The following STK39 variants were observed in gnomAD, a reference collection of about 807,000 sequenced individuals.
STK39 encodes the protein serine/threonine kinase 39.
STK39 carries 20 observed loss-of-function variants against 77.8 expected under a neutral mutation model. That is an observed-to-expected ratio of 0.26 (90% CI 0.18 to 0.37). STK39 has a LOEUF of 0.37. Among genes scored for constraint, STK39 ranks in the 10% least tolerant of loss-of-function variants. The probability of loss-of-function intolerance (pLI) is 1.00; values close to 1 mark genes in which losing one functional copy is unlikely to be tolerated. For synonymous variants in STK39, 246 were observed against 234.1 expected (o/e 1.05, Z -0.47); for missense variants, 479 against 656.5 (o/e 0.73, Z 2.95).
rs200109648 is a variant in STK39 at position 167,980,758 on chromosome 2, T to G, written c.1499-16032A>C. ...TACCTTCATTTCTTGTTGTTGTTTTTTTTTTTTTTTAAATGTGTAGTAATT... is the reference window on the plus strand; with the variant it reads ...TACCTTCATTTCTTGTTGTTGTTTTGTTTTTTTTTTAAATGTGTAGTAATT... On this transcript the variant is annotated intron_variant, in intron 16 of 17. Coordinates refer to ENST00000355999, the MANE Select transcript of STK39 (RefSeq NM_013233.3). 4.6e-3 allele frequency among the ~76,000 whole-genome samples: 703 copies of G among 151,910 alleles called. 19 individuals are homozygous for G. Among genetic ancestry groups the G allele is most frequent in the Admixed American group, 0.036 (551 of 15,276 alleles).
intron 7 of STK39, among the ~76,000 whole-genome samples, chr2:168,139,788 G>A (rs1231694755): frequency 2.6e-5 from 4 of 152,132 alleles, no homozygotes; most frequent in South Asian, 4.1e-4. Context: ...GAGCAGAAAC[G>A]TGAAAATAGC....
intron 10 of STK39, among the ~76,000 whole-genome samples, chr2:168,093,474 C>T (rs976250649): frequency 1.5e-4 from 23 of 152,262 alleles, no homozygotes; most frequent in Admixed American, 6.5e-4. Context: ...TTCACTGTCA[C>T]AAGAACAGCA....
intron 10 of STK39, among the ~76,000 whole-genome samples, chr2:168,080,853 G>A (rs1014690704): frequency 2.6e-5 from 4 of 152,346 alleles, no homozygotes; most frequent in East Asian, 1.9e-4. Flanking sequence ...ACTCAAAGGA[G>A]CCAAGGTACA....
intron 1 of STK39, among the ~76,000 whole-genome samples, chr2:168,206,302 C>G (rs1035393953): frequency 7.1e-6 from 1 of 141,732 alleles, no homozygotes; most frequent in African/African-American, 2.6e-5. Context: ...TCTTTTCTTT[C>G]TTTTTTTTTT....
At chr2:168,173,911 T>C (rs1688891043) in intron 2 of STK39, among the ~76,000 whole-genome samples, 1 of 152,200 alleles carries the variant, frequency 6.6e-6, no homozygotes, top group Admixed American at 6.5e-5. Flanking sequence ...GCCTCCTTTA[T>C]AAGAAAAGTA....
chr2:167,999,674 G>C (rs1490181929), intron 16 of STK39, among the ~76,000 whole-genome samples: 2 of 152,120 alleles, frequency 1.3e-5, no homozygotes, highest in Non-Finnish European at 2.9e-5. Flanking sequence ...ATGTTAGCCA[G>C]GATGGTCTCG....
At chr2:167,999,651 A>G (rs1014579451) in intron 16 of STK39, among the ~76,000 whole-genome samples, 3 of 151,982 alleles carry the variant, frequency 2.0e-5, no homozygotes, top group Admixed American at 2.0e-4. Context: ...TTTAGCAGAG[A>G]TGGGGTTTCA....
chr2:168,236,235 T>C (rs1184583152), intron 1 of STK39, among the ~76,000 whole-genome samples: 8 of 152,254 alleles, frequency 5.3e-5, no homozygotes, highest in Admixed American at 6.5e-5. Flanking sequence ...ATGTGTCTTT[T>C]GGCTGCATAA....
intron 14 of STK39, among the ~76,000 whole-genome samples, chr2:168,033,509 A>C (rs532552747): frequency 6.6e-6 from 1 of 152,328 alleles, no homozygotes; most frequent in South Asian, 2.1e-4. Flanking sequence ...TATGTAGCAG[A>C]GCTCTGGATG....
At chr2:168,076,856 G>A (rs1293167667) in intron 10 of STK39, among the ~76,000 whole-genome samples, 1 of 152,020 alleles carries the variant, frequency 6.6e-6, no homozygotes, top group African/African-American at 2.4e-5. Flanking sequence ...GATTTTAATG[G>A]TGCTTATAGA....
At chr2:168,126,381 C>G (rs1687542840) in intron 10 of STK39, among the ~76,000 whole-genome samples, 1 of 152,160 alleles carries the variant, frequency 6.6e-6, no homozygotes, top group African/African-American at 2.4e-5. Context: ...AATTCTTAAA[C>G]AGAAGTTACT....
chr2:168,231,300 C>T (rs564867545), intron 1 of STK39, among the ~76,000 whole-genome samples: 1 of 152,150 alleles, frequency 6.6e-6, no homozygotes, highest in East Asian at 1.9e-4. Context: ...GGAGGACTGA[C>T]AGAAATGGCT....
intron 10 of STK39, among the ~76,000 whole-genome samples, chr2:168,091,110 G>C (rs899709060): frequency 5.3e-5 from 8 of 150,736 alleles, no homozygotes; most frequent in Admixed American, 5.3e-4. Context: ...GTCTGCAAAG[G>C]GCAGAGACTT....
In STK39 at chr2:167,974,663, A is replaced by G. The variant is rs140164504; in HGVS notation, c.1499-9937T>C. On this transcript the variant is annotated intron_variant, in intron 16 of 17. Transcript: ENST00000355999. ...AAATTTGTCAACTGTGTTTTTAACT[A>G]TAACTATTTAAAGTCATTTCCACGG... is the stretch of plus-strand genomic sequence containing the variant. 6.8e-4 allele frequency among the ~76,000 whole-genome samples: 103 copies of G among 152,300 alleles called. No homozygotes were observed. In the East Asian group the frequency reaches 0.016, roughly 23 times the overall value.
chr2:167,984,895 T>G (rs1224789898), intron 16 of STK39, among the ~76,000 whole-genome samples: 1 of 152,222 alleles, frequency 6.6e-6, no homozygotes, highest in Non-Finnish European at 1.5e-5. Flanking sequence ...TTTATGCACA[T>G]ACAGCCAGTC....
intron 3 of STK39, among the ~76,000 whole-genome samples, chr2:168,165,389 G>A (rs971798390): frequency 5.9e-5 from 9 of 152,088 alleles, no homozygotes; most frequent in African/African-American, 1.9e-4. Context: ...TTCAGCTTGA[G>A]CAGAGCATTT....
At chr2:168,090,142 A>C (rs1686478298) in intron 10 of STK39, among the ~76,000 whole-genome samples, 1 of 152,230 alleles carries the variant, frequency 6.6e-6, no homozygotes, top group Non-Finnish European at 1.5e-5. Context: ...TTTGCTACAA[A>C]ATTCCAAAGA....
At chr2:168,177,576 G>T (rs1171090792) in intron 2 of STK39, among the ~76,000 whole-genome samples, 1 of 152,106 alleles carries the variant, frequency 6.6e-6, no homozygotes, top group African/African-American at 2.4e-5. Flanking sequence ...TAGAAGGAAG[G>T]ACTGTTATAT....
chr2:168,071,603 C>T (rs939999881), intron 12 of STK39, among the ~76,000 whole-genome samples: 4 of 152,046 alleles, frequency 2.6e-5, no homozygotes, highest in Non-Finnish European at 5.9e-5. Flanking sequence ...AAAATCAGGC[C>T]GGGCACAGTG....
Sources: allele counts gnomAD v4.1 joint callset (sites outside exome capture counted in the v4.1 genomes callset), GRCh38; gene constraint gnomAD v4.1.1; transcripts MANE v1.5; gene names NCBI Gene and HGNC (gene_info 2026-07-23, HGNC 2026-07-21).